The following CRIM1 variants were observed in gnomAD, a reference collection of about 807,000 sequenced individuals.
CRIM1 encodes the protein cysteine rich transmembrane BMP regulator 1, also known as cysteine-rich motor neuron 1 protein.
In CRIM1, 32 loss-of-function variants were observed where a neutral mutation model predicts 116.4. That is an observed-to-expected ratio of 0.27 (90% CI 0.21 to 0.37). CRIM1 has a LOEUF of 0.37. Ranked by LOEUF, CRIM1 falls within the 10% of genes least tolerant of loss-of-function variation. The pLI, the probability that CRIM1 is intolerant of heterozygous loss-of-function variation, is 1.00. For missense variants in CRIM1, 1,331 were observed against 1,354.8 expected (o/e 0.98, Z 0.28); for synonymous variants, 590 against 509.2 (o/e 1.16, Z -2.13).
intron 7 of CRIM1, among the ~76,000 whole-genome samples, chr2:36,484,655 C>A (rs1374099915): frequency 6.6e-6 from 1 of 152,092 alleles, no homozygotes; most frequent in Non-Finnish European, 1.5e-5. Context: ...GCGGCTGGAC[C>A]CTGCCCAGGT....
intron 2 of CRIM1, among the ~76,000 whole-genome samples, chr2:36,397,597 A>T (rs1421952579): frequency 6.6e-6 from 1 of 152,120 alleles, no homozygotes; most frequent in African/African-American, 2.4e-5. Flanking sequence ...TATCTCTAAA[A>T]TGATGTCGTT....
rs1668781466 is a variant in CRIM1 at position 36,356,219 on chromosome 2, TGCCCCGCGCAGGGGAGGGCGCCC to T, written c.-66_-44del. On this transcript the variant is annotated 5_prime_UTR_variant, in exon 1 of 17. Transcript: ENST00000280527. This position sits in a 1 kb window ranked among gnomAD's most constrained non-coding sequence, Gnocchi z 4.3. ...GCTGGTGCGGCGGCGGCGGCGCGTG[TGCCCCGCGCAGGGGAGGGCGCCC>T]GCCCCGCTCCCGGCCCGGCTGCGAG... The T allele has an allele frequency of 1.4e-6, 1 of 699,670 alleles. No individual in the cohort carries two copies. The highest frequency in any genetic ancestry group is 2.0e-6 in the Non-Finnish European group (1 of 510,506). 43.3% of individuals were successfully genotyped at this position (699,670 alleles called of 1,614,324 possible).
chr2:36,496,340 G>A (rs758600426), intron 7 of CRIM1, among the ~76,000 whole-genome samples: 1 of 152,156 alleles, frequency 6.6e-6, no homozygotes, highest in Non-Finnish European at 1.5e-5. Flanking sequence ...TAGTTCTAAT[G>A]TAAATTGAAA....
chr2:36,450,651 G>A (rs1262739374), intron 4 of CRIM1, among the ~76,000 whole-genome samples: 1 of 152,070 alleles, frequency 6.6e-6, no homozygotes, highest in Non-Finnish European at 1.5e-5. Context: ...TCCAAACTCT[G>A]TAACTCCAGG....
At position 36,453,974 on chromosome 2, in the gene CRIM1, GAAAAAGGGAATTC is replaced by G. The variant is rs374421237; in HGVS notation, c.870-10558_870-10546del. Among the ~76,000 whole-genome samples, 431 of 152,270 alleles carry G rather than the reference GAAAAAGGGAATTC, an allele frequency of 2.8e-3. 3 individuals are homozygous for G. Among genetic ancestry groups the G allele is most frequent in the African/African-American group, 0.01 (420 of 41,564 alleles). On this transcript the variant is annotated intron_variant, in intron 4 of 16. Transcript: ENST00000280527. Reference sequence around the variant, plus strand: ...AATCCCACCTACCTTTATGATTCAAGAAAAAGGGAATTCATGACAATGTTGGGTTTTCTTGAGA... The same window carrying G: ...AATCCCACCTACCTTTATGATTCAAGATGACAATGTTGGGTTTTCTTGAGA...
rs749514165 is a variant in CRIM1 at position 36,537,335 on chromosome 2, G to A, written c.2429-17G>A. 2.1e-5 allele frequency: 34 copies of A among 1,612,486 alleles called. No homozygotes were observed. Among genetic ancestry groups the A allele is most frequent in the Non-Finnish European group, 2.5e-5 (29 of 1,178,838 alleles). On this transcript the variant is annotated splice_polypyrimidine_tract_variant and intron_variant, in intron 13 of 16. Transcript: ENST00000280527. The stretch of plus-strand genomic sequence containing the variant: ...TGTCACATCAGCGACTCCATCATGT[G>A]CTGTTCTTTTCACTAGAAGACACAA...
intron 8 of CRIM1, among the ~76,000 whole-genome samples, chr2:36,509,610 T>C (rs1418392324): frequency 6.6e-6 from 1 of 152,224 alleles, no homozygotes. Context: ...TGTAAATTTC[T>C]AATTCCCACA....
chr2:36,433,307 C>T (rs559269120), intron 2 of CRIM1, among the ~76,000 whole-genome samples: 173 of 152,318 alleles, frequency 1.1e-3, no homozygotes, highest in African/African-American at 4.0e-3. Context: ...TCTAAAGCAT[C>T]ATTATGAATG....
At chr2:36,448,927 C>G (rs1676466833) in intron 4 of CRIM1, among the ~76,000 whole-genome samples, 1 of 152,136 alleles carries the variant, frequency 6.6e-6, no homozygotes, top group South Asian at 2.1e-4. Context: ...GCCTGATACT[C>G]TTCCAGAACC....
chr2:36,533,211 G>A (rs1259966739), intron 13 of CRIM1, among the ~76,000 whole-genome samples: 1 of 152,024 alleles, frequency 6.6e-6, no homozygotes, highest in Admixed American at 6.6e-5. Flanking sequence ...TTTAAACCTG[G>A]TAGCTTCCAA....
intron 5 of CRIM1, 36 bp downstream of exon 5, chr2:36,464,691 AT>A (rs1252265716): frequency 6.2e-7 from 1 of 1,606,772 alleles, no homozygotes; most frequent in Non-Finnish European, 8.5e-7. Flanking sequence ...GAGAGTGTAC[AT>A]TTGTGCAGAG....
At chr2:36,359,367 C>A (rs1217761390) in intron 1 of CRIM1, among the ~76,000 whole-genome samples, 3 of 152,136 alleles carry the variant, frequency 2.0e-5, no homozygotes, top group Non-Finnish European at 4.4e-5. Flanking sequence ...TCTCTGTTTG[C>A]CAACTTGCAG....
At position 36,504,121 on chromosome 2, in the gene CRIM1, G is replaced by A. The variant is rs1417164934; in HGVS notation, c.1501+4774G>A. On this transcript the variant is annotated intron_variant, in intron 8 of 16. Coordinates refer to ENST00000280527, the MANE Select transcript of CRIM1 (RefSeq NM_016441.3). Reference sequence around the variant, plus strand: ...ACTCCTGGCGTCAAGCAATCTGCCCGACTCGATCTCCTAAAGTGCTGAGAT... The same window carrying A: ...ACTCCTGGCGTCAAGCAATCTGCCCAACTCGATCTCCTAAAGTGCTGAGAT... Among the ~76,000 whole-genome samples, 7 of 152,028 alleles carry A rather than the reference G, an allele frequency of 4.6e-5. No individual in the cohort carries two copies. The East Asian group carries it at 7.7e-4, about 17-fold the overall frequency.
chr2:36,469,728 A>G (rs1254024040), intron 5 of CRIM1, among the ~76,000 whole-genome samples: 1 of 152,194 alleles, frequency 6.6e-6, no homozygotes, highest in Non-Finnish European at 1.5e-5. Flanking sequence ...TAAGGACGTA[A>G]TGTCTTCTAC....
intron 13 of CRIM1, among the ~76,000 whole-genome samples, chr2:36,528,289 A>G (rs909390972): frequency 3.9e-5 from 6 of 152,184 alleles, no homozygotes; most frequent in African/African-American, 1.4e-4. Flanking sequence ...TATCTTAGAT[A>G]ATGCTTTGGC....
intron 4 of CRIM1, among the ~76,000 whole-genome samples, chr2:36,459,084 G>C (rs1677380193): frequency 6.6e-6 from 1 of 151,990 alleles, no homozygotes; most frequent in Non-Finnish European, 1.5e-5. Flanking sequence ...CTTGTTTTTT[G>C]CTTTTTTGTT....
At chr2:36,402,848 G>A (rs1427867472) in intron 2 of CRIM1, among the ~76,000 whole-genome samples, 2 of 151,894 alleles carry the variant, frequency 1.3e-5, no homozygotes, top group African/African-American at 2.4e-5. Flanking sequence ...TTTACTAGAG[G>A]GAGGACCAGA....
rs779608888 is a variant in CRIM1, at chr2:36,441,478, T to C, written c.726T>C (p.Cys242=). ...SKASGKPGEC[C]DLYECKPVFG... ...CCTCAGGGAAGCCGGGAGAGTGCTGTGACCTCTATGAGTGCAAACCAGGTA... is the reference window on the plus strand; with the variant it reads ...CCTCAGGGAAGCCGGGAGAGTGCTGCGACCTCTATGAGTGCAAACCAGGTA... The change falls in exon 3 of 17, where the codon TGT becomes TGC. Residue 242 remains cysteine (C), a synonymous_variant. Coordinates refer to ENST00000280527, the MANE Select transcript of CRIM1 (RefSeq NM_016441.3). 1.2e-6 allele frequency: 2 copies of C among 1,611,894 alleles called. No individual in the cohort carries two copies. The highest frequency in any genetic ancestry group is 1.1e-5 in the South Asian group (1 of 91,078).
chr2:36,395,484 T>C (rs1015560500), intron 1 of CRIM1, among the ~76,000 whole-genome samples: 14 of 152,304 alleles, frequency 9.2e-5, no homozygotes, highest in Admixed American at 8.5e-4. Flanking sequence ...ATGTTAAGTG[T>C]GAAAAAACCC....
Sources: gnomAD v4.1 joint callset for allele counts (sites outside exome capture counted in the v4.1 genomes callset) on GRCh38, gnomAD v4.1.1 for gene constraint, Gnocchi (gnomAD v3.1) non-coding constraint, MANE v1.5 for transcripts, NCBI Gene and HGNC (gene_info 2026-07-23, HGNC 2026-07-21) for gene names.